CDKAL1: variants seen among roughly 807,000 people sequenced by gnomAD.
CDKAL1 encodes the protein CDKAL1 threonylcarbamoyladenosine tRNA methylthiotransferase, also known as threonylcarbamoyladenosine tRNA methylthiotransferase.
Under a neutral mutation model 68.2 loss-of-function variants are expected in CDKAL1, and 32 were observed. The ratio of observed to expected loss-of-function variants is 0.47; its 90% CI spans 0.35 to 0.63. CDKAL1 has a LOEUF of 0.63. Ranked by LOEUF, CDKAL1 falls within the 30% of genes least tolerant of loss-of-function variation. The pLI, the probability that CDKAL1 is intolerant of heterozygous loss-of-function variation, is 0.00. For synonymous variants in CDKAL1, 234 were observed against 244.3 expected (o/e 0.96, Z 0.39); for missense variants, 606 against 696.7 (o/e 0.87, Z 1.47).
intron 11 of CDKAL1, among the ~76,000 whole-genome samples, chr6:21,005,204 A>G (rs1263957988): frequency 6.6e-6 from 1 of 152,106 alleles, no homozygotes; most frequent in African/African-American, 2.4e-5. Flanking sequence ...CAGGGCCTTG[A>G]GGCATTAGAC....
At chr6:20,794,562 A>G (rs903959706) in intron 8 of CDKAL1, among the ~76,000 whole-genome samples, 1 of 152,172 alleles carries the variant, frequency 6.6e-6, no homozygotes, top group African/African-American at 2.4e-5. Flanking sequence ...CCTACTACCC[A>G]CACACTTTCT....
At chr6:21,171,262 A>T (rs1237190615) in intron 13 of CDKAL1, among the ~76,000 whole-genome samples, 2 of 152,004 alleles carry the variant, frequency 1.3e-5, no homozygotes, top group Non-Finnish European at 2.9e-5. Flanking sequence ...GCCCAGGCTG[A>T]AGTGCAGTGG....
intron 4 of CDKAL1, among the ~76,000 whole-genome samples, chr6:20,626,604 A>C (rs537560541): frequency 2.0e-5 from 3 of 152,184 alleles, no homozygotes; most frequent in African/African-American, 7.2e-5. Context: ...TGTATGTAAC[A>C]GAATACCCAA....
intron 2 of CDKAL1, among the ~76,000 whole-genome samples, chr6:20,536,833 G>C (rs1202520735): frequency 6.6e-6 from 1 of 152,098 alleles, no homozygotes; most frequent in Non-Finnish European, 1.5e-5. Flanking sequence ...AAGAAAAAAT[G>C]TTCATTTCTA....
chr6:20,736,006 C>A (rs9358361), intron 5 of CDKAL1, among the ~76,000 whole-genome samples: 125,104 of 152,188 alleles, frequency 0.82, 51,494 homozygotes, highest in Middle Eastern at 0.86. Flanking sequence ...TCTCAGCCAG[C>A]CAACTTGCAT....
intron 10 of CDKAL1, among the ~76,000 whole-genome samples, chr6:20,967,509 T>A (rs983070070): frequency 1.3e-5 from 2 of 152,194 alleles, no homozygotes; most frequent in East Asian, 1.9e-4. Flanking sequence ...CCTATGTAGT[T>A]CCCTTCCCAC....
chr6:21,105,654 T>C lies in CDKAL1; in HGVS notation c.1237-2747T>C, dbSNP rs547368307. Reference sequence around the variant, plus strand: ...ATGATAGCTGTGTCCTTGAGGACACTGGAGGAGGTAGAAGATACTTCCCTA... The same window carrying C: ...ATGATAGCTGTGTCCTTGAGGACACCGGAGGAGGTAGAAGATACTTCCCTA... On this transcript the variant is annotated intron_variant, in intron 12 of 15. Coordinates refer to ENST00000274695, the MANE Select transcript of CDKAL1 (RefSeq NM_017774.3). Among the ~76,000 whole-genome samples the C allele has an allele frequency of 3.9e-5, 6 of 152,286 alleles. No homozygotes were observed. In the East Asian group the frequency reaches 1.2e-3, roughly 29 times the overall value.
chr6:20,726,482 C>T (rs1456960882), intron 5 of CDKAL1, among the ~76,000 whole-genome samples: 3 of 152,160 alleles, frequency 2.0e-5, no homozygotes, highest in African/African-American at 4.8e-5. Context: ...TCATATTGAG[C>T]GCATTATAAA....
intron 5 of CDKAL1, among the ~76,000 whole-genome samples, chr6:20,677,706 A>G (rs986775082): frequency 1.3e-5 from 2 of 152,124 alleles, no homozygotes; most frequent in African/African-American, 2.4e-5. Context: ...GTGAGCCCCC[A>G]TGCATGGCGA....
intron 4 of CDKAL1, among the ~76,000 whole-genome samples, chr6:20,579,745 A>G (rs1765066076): frequency 6.6e-6 from 1 of 152,106 alleles, no homozygotes; most frequent in Admixed American, 6.6e-5. Context: ...TCTCCCTAAC[A>G]TGCTCCTCAT....
At chr6:20,872,719 G>GA (rs397824832) in intron 9 of CDKAL1, among the ~76,000 whole-genome samples, 2 of 118 alleles carry the variant, frequency 0.017, no homozygotes, top group African/African-American at 0.048. Flanking sequence ...AGATAATTCA[G>GA]TTGTAATATA....
At chr6:20,869,778 A>G (rs1281864252) in intron 9 of CDKAL1, among the ~76,000 whole-genome samples, 2 of 152,192 alleles carry the variant, frequency 1.3e-5, no homozygotes, top group East Asian at 3.8e-4. Flanking sequence ...GAATATTAAT[A>G]TCATGAAACA....
intron 4 of CDKAL1, among the ~76,000 whole-genome samples, chr6:20,593,744 C>T (rs572640233): frequency 9.5e-4 from 145 of 152,124 alleles, no homozygotes; most frequent in Non-Finnish European, 1.9e-3. Context: ...GCTCTTGCTT[C>T]TCTAGTTCTT....
intron 5 of CDKAL1, among the ~76,000 whole-genome samples, chr6:20,729,498 C>T (rs544988795): frequency 5.3e-5 from 8 of 152,312 alleles, no homozygotes; most frequent in African/African-American, 1.2e-4. Flanking sequence ...TTGCTACTTT[C>T]GTGTAACCAT....
At chr6:21,220,266 G>A (rs1011395145) in intron 15 of CDKAL1, among the ~76,000 whole-genome samples, 8 of 152,146 alleles carry the variant, frequency 5.3e-5, no homozygotes, top group Non-Finnish European at 1.2e-4. Context: ...CTGATATTTA[G>A]TTAGCAGAAG....
At chr6:20,690,461 G>C (rs1770820572) in intron 5 of CDKAL1, among the ~76,000 whole-genome samples, 1 of 152,104 alleles carries the variant, frequency 6.6e-6, no homozygotes, top group Admixed American at 6.5e-5. Context: ...TTTCAACACT[G>C]TTCTCTAGAG....
chr6:20,859,339 G>C (rs74424792), intron 9 of CDKAL1, among the ~76,000 whole-genome samples: 3 of 152,192 alleles, frequency 2.0e-5, no homozygotes, highest in Non-Finnish European at 2.9e-5. Flanking sequence ...TCTGCTTCAG[G>C]GGAAATCTGG....
At chr6:20,626,975 C>T (rs549546933) in intron 4 of CDKAL1, among the ~76,000 whole-genome samples, 33 of 152,232 alleles carry the variant, frequency 2.2e-4, no homozygotes, top group African/African-American at 7.5e-4. Context: ...CTACTGTAGA[C>T]GGGGAAGGGA....
chr6:20,870,127 G>A (rs865897521), intron 9 of CDKAL1, among the ~76,000 whole-genome samples: 1 of 152,034 alleles, frequency 6.6e-6, no homozygotes, highest in Non-Finnish European at 1.5e-5. Context: ...AAACCTATTC[G>A]CTTCTTCCAA....
Sources: allele counts gnomAD v4.1 joint callset (sites outside exome capture counted in the v4.1 genomes callset), GRCh38; gene constraint gnomAD v4.1.1; transcripts MANE v1.5; gene names NCBI Gene and HGNC (gene_info 2026-07-23, HGNC 2026-07-21).